Variants in ANKRD24 observed in about 807,000 individuals in gnomAD.
ANKRD24 encodes ankyrin repeat domain 24.
ANKRD24 carries 109 observed loss-of-function variants against 127.8 expected under a neutral mutation model. That is an observed-to-expected ratio of 0.85 (90% CI 0.73 to 1.00). The LOEUF (loss-of-function observed/expected upper bound fraction) is 1.00. ANKRD24 is among the 50% of genes least tolerant of loss of function. The pLI, the probability that ANKRD24 is intolerant of heterozygous loss-of-function variation, is 0.00. For synonymous variants in ANKRD24, 743 were observed against 671.1 expected (o/e 1.11, Z -1.66); for missense variants, 1,648 against 1,570.2 (o/e 1.05, Z -0.84).
intron 13 of ANKRD24, among the ~76,000 whole-genome samples, chr19:4,211,923 G>A (rs1028970782): frequency 6.6e-6 from 1 of 152,104 alleles, no homozygotes; most frequent in African/African-American, 2.4e-5. Flanking sequence ...GAATGAGGCC[G>A]GGCGCGGTGG....
chr19:4,196,932 C>A (rs189733974), intron 2 of ANKRD24, among the ~76,000 whole-genome samples: 1 of 152,192 alleles, frequency 6.6e-6, no homozygotes, highest in African/African-American at 2.4e-5. Context: ...CCAGGAGTGG[C>A]GGAAATTGAC....
intron 1 of ANKRD24, among the ~76,000 whole-genome samples, chr19:4,185,121 CAGAT>C (rs1445165848): frequency 7.8e-6 from 1 of 128,582 alleles, no homozygotes; most frequent in Admixed American, 7.7e-5. Flanking sequence ...GATGCTTGGG[CAGAT>C]GGATGGATGG....
chr19:4,185,333 A>G (rs1968000912), intron 1 of ANKRD24, among the ~76,000 whole-genome samples: 1 of 151,980 alleles, frequency 6.6e-6, no homozygotes, highest in South Asian at 2.1e-4. Context: ...GTGGTTATAC[A>G]GTGCTTAGGT....
At chr19:4,214,573 G>A (rs751225369) in intron 15 of ANKRD24, among the ~76,000 whole-genome samples, 1 of 152,064 alleles carries the variant, frequency 6.6e-6, no homozygotes, top group East Asian at 1.9e-4. Flanking sequence ...CAAGCATGAA[G>A]CCGGAAACGG....
intron 19 of ANKRD24, 87 bp from the exon 20 acceptor site, chr19:4,222,583 T>C: frequency 2.1e-6 from 3 of 1,424,124 alleles, no homozygotes; most frequent in Non-Finnish European, 2.8e-6. Flanking sequence ...AAAGCCTTTA[T>C]CCCTGGCCTC....
intron 2 of ANKRD24, among the ~76,000 whole-genome samples, chr19:4,194,281 C>T (rs1219670639): frequency 9.9e-5 from 15 of 152,202 alleles, no homozygotes; most frequent in African/African-American, 3.6e-4. Context: ...GACTCCCGAG[C>T]AGCTGGGATT....
chr19:4,192,420 A>T (rs996839346), intron 2 of ANKRD24, among the ~76,000 whole-genome samples: 14 of 148,018 alleles, frequency 9.5e-5, no homozygotes, highest in African/African-American at 3.5e-4. Flanking sequence ...CACGTTGCCC[A>T]GGCTGGTCTT....
chr19:4,200,169 C>G lies in ANKRD24; in HGVS notation c.341C>G (p.Ala114Gly), dbSNP rs752124062. The G allele has an allele frequency of 6.3e-7, 1 of 1,597,492 alleles. No individual in the cohort carries two copies. The highest frequency in any genetic ancestry group is 1.1e-5 in the South Asian group (1 of 88,848). Reference sequence around the variant, plus strand: ...AGCAATGTCATGAGCGCGGACGGGGCAGGTACTGCCAGCTGGGCCCCGGGG... The same window carrying G: ...AGCAATGTCATGAGCGCGGACGGGGGAGGTACTGCCAGCTGGGCCCCGGGG... ...HGSNVMSADG[A>G]GYNALHLAAK... The change falls in exon 5 of 22, where the codon GCA (alanine) becomes GGA (glycine). Residue 114 changes from alanine (A) to glycine (G), a missense_variant and splice_region_variant. Physicochemically the swap from Ala to Gly is moderately conservative, Grantham distance 60. Transcript: ENST00000318934.
Position 4,207,321 on chromosome 19 carries a change from C to T in ANKRD24, c.537+9C>T. On this transcript the variant is annotated intron_variant, in intron 8 of 21. Coordinates refer to ENST00000318934, the MANE Select transcript of ANKRD24 (RefSeq NM_001393985.1). The stretch of plus-strand genomic sequence containing the variant: ...TAAACCCCCAAGATCGGGTAAGCTT[C>T]TGGGATCTCTTCAGGGAAGATGTTA... 6.2e-7 allele frequency: 1 copy of T among 1,612,986 alleles called. No individual in the cohort carries two copies. Among genetic ancestry groups the T allele is most frequent in the Non-Finnish European group, 8.5e-7 (1 of 1,179,028 alleles).
At chr19:4,186,586 C>T (rs1599387083) in intron 2 of ANKRD24, 125 bp downstream of exon 2, 2 of 1,148,156 alleles carry the variant, frequency 1.7e-6, no homozygotes, top group Non-Finnish European at 2.5e-6. Flanking sequence ...CTCTGCTGCC[C>T]CCTAGCGTCA....
chr19:4,217,265 CG>C lies in ANKRD24; in HGVS notation c.2109del (p.Ile704SerfsTer20). 6.4e-7 allele frequency: 1 copy of C among 1,570,674 alleles called. No individual in the cohort carries two copies. Among genetic ancestry groups the C allele is most frequent in the South Asian group, 1.2e-5 (1 of 85,802 alleles). ...AACCCAGGGGTAGAGGCCACGGTCC[CG>C]GGGATCTCTGCTGGCCCCATCCTAC... is the stretch of plus-strand genomic sequence containing the variant. ...VENPGVEATV[P>X]GISAGPILHP... On this transcript the variant is annotated frameshift_variant, in exon 18 of 22. Transcript: ENST00000318934. LOFTEE classifies it high-confidence loss of function.
intron 11 of ANKRD24, among the ~76,000 whole-genome samples, chr19:4,209,323 G>T (rs1262714078): frequency 1.3e-5 from 2 of 151,762 alleles, no homozygotes; most frequent in African/African-American, 2.4e-5. Flanking sequence ...GGCCAGGCTG[G>T]TCTCAAACTC....
Position 4,202,162 on chromosome 19 carries a change from C to T in ANKRD24, c.408+72C>T, listed in dbSNP as rs115231535. 3,085 of 1,372,152 alleles carry T rather than the reference C, an allele frequency of 2.2e-3. 68 individuals are homozygous for T. In the African/African-American group the frequency reaches 0.04, roughly 18 times the overall value. 85.0% of individuals were successfully genotyped at this position (1,372,152 alleles called of 1,614,324 possible). On this transcript the variant is annotated intron_variant, in intron 6 of 21. Transcript: ENST00000318934. Reference sequence around the variant, plus strand: ...CTGAGTTCCAGCAATTCCTTGAACCCCCAGATGCTCTATGAATCCTAGATA... The same window carrying T: ...CTGAGTTCCAGCAATTCCTTGAACCTCCAGATGCTCTATGAATCCTAGATA...
At position 4,207,497 on chromosome 19, in the gene ANKRD24, C is replaced by T. The variant is rs1045514788; in HGVS notation, c.538-4C>T. ...GCCATCGCATCCCTCCTCCTCCCTA[C>T]CAGTCAGGCGCAACACCCCTCATTA... is the stretch of plus-strand genomic sequence containing the variant. On this transcript the variant is annotated splice_polypyrimidine_tract_variant and splice_region_variant and intron_variant, in intron 8 of 21. Coordinates refer to ENST00000318934, the MANE Select transcript of ANKRD24 (RefSeq NM_001393985.1). The T allele has an allele frequency of 1.2e-6, 2 of 1,613,334 alleles. No individual in the cohort carries two copies. Among genetic ancestry groups the T allele is most frequent in the Admixed American group, 3.3e-5 (2 of 59,998 alleles).
Position 4,210,259 on chromosome 19 carries a change from G to A in ANKRD24, c.952-6G>A. ...CATCTAAAGGCCGTGGTGGGGAGGGGAACAGGATGATCGAGATGCCTATGA... is the reference window on the plus strand; with the variant it reads ...CATCTAAAGGCCGTGGTGGGGAGGGAAACAGGATGATCGAGATGCCTATGA... On this transcript the variant is annotated splice_polypyrimidine_tract_variant and splice_region_variant and intron_variant, in intron 12 of 21. Coordinates refer to ENST00000318934, the MANE Select transcript of ANKRD24 (RefSeq NM_001393985.1). The A allele has an allele frequency of 1.3e-6, 2 of 1,579,538 alleles. No homozygotes were observed. The highest frequency in any genetic ancestry group is 1.7e-6 in the Non-Finnish European group (2 of 1,162,912).
At chr19:4,223,372 C>CATACATAT (rs1490877860) in intron 20 of ANKRD24, among the ~76,000 whole-genome samples, 25 of 72,908 alleles carry the variant, frequency 3.4e-4, no homozygotes, top group Middle Eastern at 8.3e-3. Flanking sequence ...CCTGGCCATA[C>CATACATAT]ATATATATAT....
intron 15 of ANKRD24, among the ~76,000 whole-genome samples, chr19:4,213,393 CCTT>C (rs1042258864): frequency 5.4e-5 from 7 of 129,300 alleles, no homozygotes; most frequent in Middle Eastern, 7.8e-3. Flanking sequence ...TCCTTCCCTT[CCTT>C]CTTTCTTCCT....
rs1250927488 is a variant in ANKRD24 at position 4,208,765 on chromosome 19, C to T, written c.834C>T (p.Ala278=). ...EAAQRPSPPS[A]LTEDDSGEAS... The stretch of plus-strand genomic sequence containing the variant: ...GACCCTGCTTCCCTCTCTCCCCAGC[C>T]CTCACAGAGGATGATTCAGGCGAGG... The change falls in exon 11 of 22, where the codon GCC becomes GCT. Residue 278 remains alanine, a splice_region_variant and synonymous_variant. Transcript: ENST00000318934. 6.2e-7 allele frequency: 1 copy of T among 1,613,008 alleles called. No individual in the cohort carries two copies. Among genetic ancestry groups the T allele is most frequent in the Admixed American group, 1.7e-5 (1 of 59,904 alleles).
At chr19:4,182,965 T>TTG (rs57280997) in intron 1 of ANKRD24, among the ~76,000 whole-genome samples, 4,576 of 138,624 alleles carry the variant, frequency 0.033, 165 homozygotes, top group East Asian at 0.19. Flanking sequence ...AATATCTCAT[T>TTG]TGTGTGTGTG....
Sources: allele counts gnomAD v4.1 joint callset (sites outside exome capture counted in the v4.1 genomes callset), GRCh38; gene constraint gnomAD v4.1.1; transcripts MANE v1.5; gene names NCBI Gene and HGNC (gene_info 2026-07-23, HGNC 2026-07-21).